NSG1: variants seen among roughly 807,000 people sequenced by gnomAD.
The protein encoded by NSG1 is neuronal vesicle trafficking-associated protein 1.
In NSG1, 9 loss-of-function variants were observed where a neutral mutation model predicts 19.3. The observed-to-expected ratio is 0.47, with a 90% CI of 0.28 to 0.81. The LOEUF (loss-of-function observed/expected upper bound fraction) is 0.81. Ranked by LOEUF, NSG1 falls within the 40% of genes least tolerant of loss-of-function variation. The pLI, the probability that NSG1 is intolerant of heterozygous loss-of-function variation, is 0.11. For synonymous variants in NSG1, 104 were observed against 107.0 expected (o/e 0.97, Z 0.17); for missense variants, 236 against 242.4 (o/e 0.97, Z 0.18).
intron 4 of NSG1, 31 bp from the exon 5 acceptor site, chr4:4,417,204 C>A: frequency 6.3e-7 from 1 of 1,599,854 alleles, no homozygotes; most frequent in South Asian, 1.1e-5. Context: ...CTTGCACCGA[C>A]GCGTGCTCTC....
At position 4,398,445 on chromosome 4, in the gene NSG1, G is replaced by GCC. The variant is rs60967440; in HGVS notation, c.246+6862_246+6863dup. ...ATTCCCATTAAGCAGTCACTCCCAT[G>GCC]CCCCCCCCCACAGCCCCTGGTTAGC... On this transcript the variant is annotated intron_variant, in intron 3 of 4. Coordinates refer to ENST00000621129, the MANE Select transcript of NSG1 (RefSeq NM_014392.5). 5.0e-3 allele frequency among the ~76,000 whole-genome samples: 743 copies of GCC among 150,054 alleles called. 2 individuals are homozygous for GCC. Among genetic ancestry groups the GCC allele is most frequent in the South Asian group, 0.016 (77 of 4,714 alleles).
intron 4 of NSG1, among the ~76,000 whole-genome samples, chr4:4,412,604 T>C (rs1418490791): frequency 6.6e-6 from 1 of 152,176 alleles, no homozygotes; most frequent in Non-Finnish European, 1.5e-5. Context: ...GAAGTCCCCT[T>C]GACCTCCTCC....
At chr4:4,416,584 G>T (rs999244065) in intron 4 of NSG1, among the ~76,000 whole-genome samples, 1 of 152,290 alleles carries the variant, frequency 6.6e-6, no homozygotes, top group Middle Eastern at 3.4e-3. Context: ...TGGCCTGCAG[G>T]GAATGGGGGT....
intron 3 of NSG1, among the ~76,000 whole-genome samples, chr4:4,392,920 G>A (rs753769227): frequency 1.2e-4 from 18 of 152,074 alleles, no homozygotes; most frequent in South Asian, 4.2e-4. Flanking sequence ...CTCCTGGCTC[G>A]GCCCATCGTA....
chr4:4,390,551 G>A (rs1031484745), intron 2 of NSG1, among the ~76,000 whole-genome samples: 4 of 152,210 alleles, frequency 2.6e-5, no homozygotes, highest in African/African-American at 4.8e-5. Context: ...AAGGGGCCTC[G>A]TCCCTCGGGG....
chr4:4,415,564 G>A lies in NSG1; in HGVS notation c.358-1671G>A, dbSNP rs1010402777. On this transcript the variant is annotated intron_variant, in intron 4 of 4. Coordinates refer to ENST00000621129, the MANE Select transcript of NSG1 (RefSeq NM_014392.5). ...AAGCCCTTCACCCCCTGGGGTGCTC[G>A]CCACCATGGGCACCAAGGTGCCTCC... 5.3e-5 allele frequency among the ~76,000 whole-genome samples: 8 copies of A among 152,100 alleles called. No homozygotes were observed. The South Asian group carries it at 6.2e-4, about 12-fold the overall frequency.
At chr4:4,408,491 C>T (rs895128176) in intron 3 of NSG1, among the ~76,000 whole-genome samples, 9 of 152,204 alleles carry the variant, frequency 5.9e-5, no homozygotes, top group Admixed American at 2.6e-4. Flanking sequence ...GGTAGAGTCT[C>T]GCTCTGTCAC....
chr4:4,402,337 C>CTGGGATTATA (rs1034754519), intron 3 of NSG1, among the ~76,000 whole-genome samples: 2 of 145,560 alleles, frequency 1.4e-5, no homozygotes, highest in African/African-American at 5.2e-5. Flanking sequence ...CTCCGAGTAG[C>CTGGGATTATA]TGGGATTATA....
In NSG1 at chr4:4,418,687, G is replaced by C. The variant is rs1724731499; in HGVS notation, c.*1252G>C. 1 of 152,638 alleles carries C rather than the reference G, an allele frequency of 6.6e-6. No homozygotes were observed. The highest frequency in any genetic ancestry group is 2.4e-5 in the African/African-American group (1 of 41,458). The allele number at this position is 152,638 out of a possible 1,614,324, so 9.5% of individuals were successfully genotyped here. ...AGATCAGAAATAAACGACAAATAGT[G>C]TGAGATGTGTTGTGAACAGGCATGG... is the stretch of plus-strand genomic sequence containing the variant. On this transcript the variant is annotated 3_prime_UTR_variant, in exon 5 of 5. Coordinates refer to ENST00000621129, the MANE Select transcript of NSG1 (RefSeq NM_014392.5).
chr4:4,396,223 G>A (rs1235933956), intron 3 of NSG1, among the ~76,000 whole-genome samples: 1 of 152,192 alleles, frequency 6.6e-6, no homozygotes, highest in African/African-American at 2.4e-5. Flanking sequence ...GGCGGGTCGG[G>A]GCTGCTGGGG....
chr4:4,389,495 G>A (rs934662173), intron 2 of NSG1, among the ~76,000 whole-genome samples: 2 of 152,294 alleles, frequency 1.3e-5, no homozygotes, highest in African/African-American at 4.8e-5. Context: ...CTGAGCCTCA[G>A]AGCATTTATG....
Position 4,417,571 on chromosome 4 carries a change from C to A in NSG1, c.*136C>A. ...CAATTGCTTCTGTTTGCTAATGCTG[C>A]TTTGCAAATAAAACTTGCTGCCGAC... is the stretch of plus-strand genomic sequence containing the variant. On this transcript the variant is annotated 3_prime_UTR_variant, in exon 5 of 5. Coordinates refer to ENST00000621129, the MANE Select transcript of NSG1 (RefSeq NM_014392.5). The A allele has an allele frequency of 2.2e-6, 2 of 889,118 alleles. No homozygotes were observed. The highest frequency in any genetic ancestry group is 3.4e-6 in the Non-Finnish European group (2 of 589,468). The allele number at this position is 889,118 out of a possible 1,614,324, so 55.1% of individuals were successfully genotyped here.
chr4:4,390,768 T>C (rs111314815), intron 2 of NSG1, among the ~76,000 whole-genome samples: 12 of 152,254 alleles, frequency 7.9e-5, no homozygotes, highest in African/African-American at 2.6e-4. Context: ...GCCAGGGCTG[T>C]GAGTGTCCAG....
intron 3 of NSG1, among the ~76,000 whole-genome samples, chr4:4,399,764 G>A (rs1723450731): frequency 1.3e-5 from 2 of 152,136 alleles, no homozygotes; most frequent in South Asian, 4.1e-4. Context: ...AGGGAGCAGG[G>A]GATGGTTTTG....
chr4:4,398,893 A>G (rs1453009144), intron 3 of NSG1, among the ~76,000 whole-genome samples: 2 of 152,220 alleles, frequency 1.3e-5, no homozygotes, highest in African/African-American at 4.8e-5. Flanking sequence ...ACCATTTTAC[A>G]TTGCCATTAG....
intron 3 of NSG1, among the ~76,000 whole-genome samples, chr4:4,393,828 G>A (rs1433821465): frequency 6.6e-6 from 1 of 152,160 alleles, no homozygotes; most frequent in South Asian, 2.1e-4. Flanking sequence ...CCCATGGGAC[G>A]CCTGCTGCTT....
upstream of NSG1, chr4:4,387,036 G>C (rs892095841): frequency 6.6e-6 from 1 of 152,182 alleles, no homozygotes. Context: ...GGCGCGAGGA[G>C]GAGGGAGCGG....
At chr4:4,400,788 T>G (rs1468886952) in intron 3 of NSG1, among the ~76,000 whole-genome samples, 1 of 152,252 alleles carries the variant, frequency 6.6e-6, no homozygotes, top group East Asian at 1.9e-4. Context: ...GGACAGTGTT[T>G]ATTGCTCATG....
At chr4:4,390,878 G>A (rs533204970) in intron 2 of NSG1, among the ~76,000 whole-genome samples, 3 of 152,126 alleles carry the variant, frequency 2.0e-5, no homozygotes, top group Admixed American at 6.5e-5. Context: ...CTTCACAGTA[G>A]GGGGTGGAGG....
Sources: gnomAD v4.1 joint callset for allele counts (sites outside exome capture counted in the v4.1 genomes callset) on GRCh38, gnomAD v4.1.1 for gene constraint, MANE v1.5 for transcripts, NCBI Gene and HGNC (gene_info 2026-07-23, HGNC 2026-07-21) for gene names.